The following MUC5AC variants were observed in gnomAD, a reference collection of about 807,000 sequenced individuals.
MUC5AC encodes the protein mucin 5AC, oligomeric mucus/gel-forming.
A neutral mutation model predicts 169.7 loss-of-function variants in MUC5AC; 158 were observed. The ratio of observed to expected loss-of-function variants is 0.93; its 90% CI spans 0.82 to 1.06. The LOEUF is 1.06. Among genes scored for constraint, MUC5AC ranks in the 50% least tolerant of loss-of-function variants. The probability of loss-of-function intolerance (pLI) is 0.00; values close to 1 mark genes in which losing one functional copy is unlikely to be tolerated. For synonymous variants in MUC5AC, 1,975 were observed against 1,237.0 expected (o/e 1.60, Z -12.52); for missense variants, 4,359 against 3,089.9 (o/e 1.41, Z -9.74).
chr11:1,163,577 C>T (rs981820684), intron 6 of MUC5AC, among the ~76,000 whole-genome samples: 6 of 152,322 alleles, frequency 3.9e-5, no homozygotes, highest in African/African-American at 1.2e-4. Context: ...TCCAGCCAGC[C>T]TGGCAGGAGG....
intron 11 of MUC5AC, 104 bp downstream of exon 11, chr11:1,165,864 C>G: frequency 6.6e-7 from 1 of 1,520,344 alleles, no homozygotes; most frequent in Non-Finnish European, 8.9e-7. Flanking sequence ...CCCCTGGGGT[C>G]ACCCTTGGGG....
At position 1,192,667 on chromosome 11, in the gene MUC5AC, C is replaced by T. The variant is rs1008576942; in HGVS notation, c.14381-116C>T. On this transcript the variant is annotated intron_variant, in intron 31 of 48. Coordinates refer to ENST00000621226, the MANE Select transcript of MUC5AC (RefSeq NM_001304359.2). ...GTCACAGAGTGGCTGCTGGCATTCT[C>T]TGAAATTTTTTCCCATTACACAGGT... is the stretch of plus-strand genomic sequence containing the variant. 8.7e-6 allele frequency: 6 copies of T among 686,474 alleles called. No individual in the cohort carries two copies. The African/African-American group carries it at 1.1e-4, about 12-fold the overall frequency. 42.5% of individuals were successfully genotyped at this position (686,474 alleles called of 1,614,324 possible). A position where few individuals can be genotyped will look rare whatever the true frequency, so the allele number is the denominator to read the frequency against.
intron 1 of MUC5AC, among the ~76,000 whole-genome samples, chr11:1,158,392 G>A (rs55680540): frequency 0.09 from 13,740 of 152,282 alleles, 838 homozygotes; most frequent in Middle Eastern, 0.19. Context: ...CTGGCCCACA[G>A]TATCTCCAGC....
rs1241227143 is a variant in MUC5AC, at chr11:1,172,242, C to T, written c.1871-187C>T. ...CCTCGGTTCTGGATGTTGTACCCTG[C>T]GTTTGGGGGAGCTTTTCCTCGGGGA... is the stretch of plus-strand genomic sequence containing the variant. On this transcript the variant is annotated intron_variant, in intron 15 of 48. Coordinates refer to ENST00000621226, the MANE Select transcript of MUC5AC (RefSeq NM_001304359.2). Among the ~76,000 whole-genome samples, 4 of 152,182 alleles carry T rather than the reference C, an allele frequency of 2.6e-5. No individual in the cohort carries two copies. The South Asian group carries it at 6.2e-4, about 24-fold the overall frequency.
At position 1,190,871 on chromosome 11, in the gene MUC5AC, T is replaced by G. The variant is rs1210186861; in HGVS notation, c.12726T>G (p.Thr4242=). The G allele has an allele frequency of 1.7e-4, 88 of 533,212 alleles. No individual in the cohort carries two copies. Among genetic ancestry groups the G allele is most frequent in the Admixed American group, 5.2e-4 (21 of 40,014 alleles). The allele number at this position is 533,212 out of a possible 1,614,324, so 33.0% of individuals were successfully genotyped here. A position where few individuals can be genotyped will look rare whatever the true frequency, so the allele number is the denominator to read the frequency against. ...CCTCTGCCTCTACAACCAGCACAAC[T>G]TCTGCTCCTACAACCAGCACAACCT... is the stretch of plus-strand genomic sequence containing the variant. ...STTSASTTST[T]SAPTTSTTSG... Residue 4242 remains threonine, a synonymous_variant, in exon 31 of 49, where the codon ACT becomes ACG. Transcript: ENST00000621226.
In MUC5AC at chr11:1,183,991, C is replaced by T. The variant is rs1420073168; in HGVS notation, c.5846C>T (p.Ser1949Phe). ...KPTPTEPSTS[S>F]CLQELCTWTE... ...ACCCCCACGGAGCCCAGCACATCCT[C>T]CTGCCTGCAGGAGCTTTGCACCTGG... Residue 1949 changes from serine to phenylalanine, a missense_variant, in exon 31 of 49, where the codon TCC (serine) becomes TTC (phenylalanine). By Grantham distance (155) the Ser-to-Phe change is radical. Coordinates refer to ENST00000621226, the MANE Select transcript of MUC5AC (RefSeq NM_001304359.2). 1.2e-4 allele frequency: 46 copies of T among 395,248 alleles called. No homozygotes were observed. The highest frequency in any genetic ancestry group is 6.3e-4 in the Middle Eastern group (1 of 1,594). 24.5% of individuals were successfully genotyped at this position (395,248 alleles called of 1,614,324 possible).
chr11:1,158,273 C>A (rs1017754030), intron 1 of MUC5AC, among the ~76,000 whole-genome samples: 9 of 152,228 alleles, frequency 5.9e-5, no homozygotes, highest in African/African-American at 1.4e-4. Context: ...CTGGGCTTCG[C>A]GGACCTCTGA....
intron 21 of MUC5AC, 27 bp from the exon 22 acceptor site, chr11:1,176,901 C>T: frequency 2.5e-6 from 1 of 398,788 alleles, no homozygotes; most frequent in Non-Finnish European, 4.4e-6. Flanking sequence ...TGTGTGTGCT[C>T]TAGCCTGACC....
Position 1,168,748 on chromosome 11 carries a change from G to C in MUC5AC, c.1674G>C (p.Gln558His), listed in dbSNP as rs778675020. The change falls in exon 14 of 49, where the codon CAG (glutamine) becomes CAC (histidine). Residue 558 changes from glutamine (Q) to histidine (H), a missense_variant. Physicochemically the swap from Gln to His is conservative, Grantham distance 24. Transcript: ENST00000621226. Reference sequence around the variant, plus strand: ...TGCCCACCATGCAGCTGTTCATGCAGCTGGCGCCCAAGCTCCGTGGGCAGA... The same window carrying C: ...TGCCCACCATGCAGCTGTTCATGCACCTGGCGCCCAAGCTCCGTGGGCAGA... ...QLVPTMQLFM[Q>H]LAPKLRGQTC... 4.4e-6 allele frequency: 7 copies of C among 1,607,372 alleles called. No individual in the cohort carries two copies. Among genetic ancestry groups the C allele is most frequent in the Middle Eastern group, 1.6e-4 (1 of 6,064 alleles).
rs1250599393 is a variant in MUC5AC at position 1,186,143 on chromosome 11, C to T, written c.7998C>T (p.Thr2666=). 12 of 746,082 alleles carry T rather than the reference C, an allele frequency of 1.6e-5. No homozygotes were observed. The East Asian group carries it at 2.9e-4, about 18-fold the overall frequency. 46.2% of individuals were successfully genotyped at this position (746,082 alleles called of 1,614,324 possible). ...CTACTCCCAGCCCTGTTCCTACCACCAGCACAATCTCTGTTCCTACCACCA... is the reference window on the plus strand; with the variant it reads ...CTACTCCCAGCCCTGTTCCTACCACTAGCACAATCTCTGTTCCTACCACCA... ...PGTTPSPVPT[T]STISVPTTST... The change falls in exon 31 of 49, where the codon ACC becomes ACT. Residue 2666 remains threonine, a synonymous_variant. Coordinates refer to ENST00000621226, the MANE Select transcript of MUC5AC (RefSeq NM_001304359.2).
chr11:1,174,292 T>C (rs1860621258), intron 16 of MUC5AC, among the ~76,000 whole-genome samples: 1 of 152,252 alleles, frequency 6.6e-6, no homozygotes, highest in Non-Finnish European at 1.5e-5. Flanking sequence ...TAACCCCTGC[T>C]CTGCACAGTG....
intron 15 of MUC5AC, among the ~76,000 whole-genome samples, chr11:1,172,150 G>A (rs1037943884): frequency 1.1e-4 from 17 of 152,354 alleles, no homozygotes; most frequent in Non-Finnish European, 2.2e-4. Context: ...GGTCACTAGC[G>A]TCCCTGGAAG....
At chr11:1,198,182 G>A (rs1029613702) in intron 42 of MUC5AC, 86 bp from the exon 43 acceptor site, 2 of 706,302 alleles carry the variant, frequency 2.8e-6, no homozygotes, top group Middle Eastern at 2.4e-4. Flanking sequence ...GGAATGAGGC[G>A]CCCAGGAGGC....
chr11:1,188,261 C>A lies in MUC5AC; in HGVS notation c.10116C>A (p.Thr3372=). 1 of 697,490 alleles carries A rather than the reference C, an allele frequency of 1.4e-6. No individual in the cohort carries two copies. Among genetic ancestry groups the A allele is most frequent in the Non-Finnish European group, 2.6e-6 (1 of 385,138 alleles). 43.2% of individuals were successfully genotyped at this position (697,490 alleles called of 1,614,324 possible). A position where few individuals can be genotyped will look rare whatever the true frequency, so the allele number is the denominator to read the frequency against. ...CCAGCACAACCTCCACTCCACAGAC[C>A]AGCACAACCTCTGCTCCTACAACCA... ...VTTSTTSTPQ[T]STTSAPTTST... Residue 3372 remains threonine, a synonymous_variant, in exon 31 of 49, where the codon ACC becomes ACA. Transcript: ENST00000621226.
chr11:1,168,809 C>G, intron 14 of MUC5AC, 30 bp downstream of exon 14: 1 of 1,582,970 alleles, frequency 6.3e-7, no homozygotes, highest in Non-Finnish European at 8.6e-7. Flanking sequence ...GGCTTGGAGC[C>G]CACCCACTCT....
intron 32 of MUC5AC, 59 bp downstream of exon 32, chr11:1,193,041 G>A (rs1233491767): frequency 3.2e-5 from 20 of 619,960 alleles, no homozygotes; most frequent in Non-Finnish European, 2.6e-5. Flanking sequence ...GAACTTGAAT[G>A]TCTTTGCAAT....
rs1471662720 is a variant in MUC5AC at position 1,190,143 on chromosome 11, C to A, written c.11998C>A (p.Leu4000Ile). 72 of 764,270 alleles carry A rather than the reference C, an allele frequency of 9.4e-5. No homozygotes were observed. Among genetic ancestry groups the A allele is most frequent in the Non-Finnish European group, 1.6e-4 (68 of 417,564 alleles). The allele number at this position is 764,270 out of a possible 1,614,324, so 47.3% of individuals were successfully genotyped here. A position where few individuals can be genotyped will look rare whatever the true frequency, so the allele number is the denominator to read the frequency against. Residue 4000 changes from leucine (L) to isoleucine (I), a missense_variant, in exon 31 of 49, where the codon CTC becomes ATC. Leu to Ile is a conservative substitution (Grantham distance 5, BLOSUM62 2). Transcript: ENST00000621226. ...ICRRPEEITR[L>I]QCRAESHPEV... ...CCGCCGACCTGAGGAGATCACCAGGCTCCAGTGCCGAGCCGAGAGCCACCC... is the reference window on the plus strand; with the variant it reads ...CCGCCGACCTGAGGAGATCACCAGGATCCAGTGCCGAGCCGAGAGCCACCC...
intron 11 of MUC5AC, among the ~76,000 whole-genome samples, chr11:1,167,520 C>G (rs1442719129): frequency 6.6e-6 from 1 of 152,224 alleles, no homozygotes; most frequent in Non-Finnish European, 1.5e-5. Flanking sequence ...TGTCTTGTTC[C>G]TGCCAGGAAG....
Position 1,182,335 on chromosome 11 carries a change from G to A in MUC5AC, c.4190G>A (p.Arg1397His), listed in dbSNP as rs1379216338. 1.3e-5 allele frequency: 5 copies of A among 398,466 alleles called. No individual in the cohort carries two copies. The Admixed American group carries it at 1.3e-4, about 11-fold the overall frequency. 24.7% of individuals were successfully genotyped at this position (398,466 alleles called of 1,614,324 possible). The change falls in exon 31 of 49, where the codon CGC becomes CAC. Residue 1397 changes from arginine (R) to histidine (H), a missense_variant. Coordinates refer to ENST00000621226, the MANE Select transcript of MUC5AC (RefSeq NM_001304359.2). Reference protein sequence around the residue: ...CLWSPWMDVSRPGRGTDSGDF... With the variant: ...CLWSPWMDVSHPGRGTDSGDF... ...TGGTCGCCATGGATGGATGTCAGCC[G>A]CCCTGGACGGGGCACGGACAGCGGT...
Sources: allele counts gnomAD v4.1 joint callset (sites outside exome capture counted in the v4.1 genomes callset), GRCh38; gene constraint gnomAD v4.1.1; transcripts MANE v1.5; gene names NCBI Gene and HGNC (gene_info 2026-07-23, HGNC 2026-07-21).